The following CLMP variants were observed in gnomAD, a reference collection of about 807,000 sequenced individuals.
The protein encoded by CLMP is CXADR like cell adhesion molecule.
In CLMP, 27 loss-of-function variants were observed where a neutral mutation model predicts 45.2. That is an observed-to-expected ratio of 0.60 (90% CI 0.44 to 0.82). The LOEUF (loss-of-function observed/expected upper bound fraction) is 0.82. CLMP is among the 40% of genes least tolerant of loss of function. The pLI, the probability that CLMP is intolerant of heterozygous loss-of-function variation, is 0.00. For synonymous variants in CLMP, 167 were observed against 171.4 expected, an observed-to-expected ratio of 0.97 and a Z score of 0.20; for missense variants, 403 against 448.4, an observed-to-expected ratio of 0.90 and a Z score of 0.91.
At chr11:123,142,274 C>A (rs2135517975) in intron 1 of CLMP, among the ~76,000 whole-genome samples, 1 of 152,268 alleles carries the variant, frequency 6.6e-6, no homozygotes, top group South Asian at 2.1e-4. Context: ...GCGTAAGTCA[C>A]TGCGCCTGGC....
chr11:123,086,256 C>T (rs2135471232), intron 2 of CLMP, among the ~76,000 whole-genome samples: 1 of 152,222 alleles, frequency 6.6e-6, no homozygotes, highest in Non-Finnish European at 1.5e-5. Flanking sequence ...GTGAGATTAA[C>T]AAGGAAAGAC....
chr11:123,123,255 T>C (rs1429739028), intron 1 of CLMP, among the ~76,000 whole-genome samples: 9 of 118,022 alleles, frequency 7.6e-5, no homozygotes, highest in South Asian at 5.1e-4. Context: ...TCTTTCTTTC[T>C]TTCCTTTTTT....
intron 2 of CLMP, among the ~76,000 whole-genome samples, chr11:123,090,264 C>T (rs909930105): frequency 7.0e-6 from 1 of 142,084 alleles, no homozygotes; most frequent in Non-Finnish European, 1.5e-5. Context: ...GCCAACATTG[C>T]GAAACCCCCA....
chr11:123,130,292 A>G (rs1056839556), intron 1 of CLMP, among the ~76,000 whole-genome samples: 1 of 152,158 alleles, frequency 6.6e-6, no homozygotes, highest in Non-Finnish European at 1.5e-5. Flanking sequence ...GTGGATGAAG[A>G]TCACTTCCCA....
chr11:123,122,484 A>C (rs528343930), intron 1 of CLMP, among the ~76,000 whole-genome samples: 1 of 152,312 alleles, frequency 6.6e-6, no homozygotes, highest in South Asian at 2.1e-4. Flanking sequence ...TCCTCCGGGA[A>C]ACAGAACAGC....
At chr11:123,118,629 T>C (rs1040559052) in intron 1 of CLMP, among the ~76,000 whole-genome samples, 1 of 152,176 alleles carries the variant, frequency 6.6e-6, no homozygotes, top group Non-Finnish European at 1.5e-5. Context: ...TAACCCAGAC[T>C]TCCACTTTTC....
chr11:123,127,638 C>A (rs888982053), intron 1 of CLMP, among the ~76,000 whole-genome samples: 2 of 152,126 alleles, frequency 1.3e-5, no homozygotes, highest in African/African-American at 4.8e-5. Context: ...TCCCAACAAC[C>A]CAGATAAAGA....
intron 1 of CLMP, among the ~76,000 whole-genome samples, chr11:123,143,286 T>G (rs1350645726): frequency 6.6e-6 from 1 of 152,212 alleles, no homozygotes; most frequent in African/African-American, 2.4e-5. Flanking sequence ...GAGTGACTGT[T>G]GCCAATCATT....
chr11:123,136,143 C>A, intron 1 of CLMP: 1 of 627,038 alleles, frequency 1.6e-6, no homozygotes, highest in Non-Finnish European at 3.1e-6. Flanking sequence ...GCAAGAAAGT[C>A]ACCACCTACT....
chr11:123,161,430 G>A (rs928425209), intron 1 of CLMP, among the ~76,000 whole-genome samples: 4 of 152,094 alleles, frequency 2.6e-5, no homozygotes, highest in African/African-American at 9.7e-5. Flanking sequence ...ACTTTAGGAG[G>A]CCAAGGTGAG....
chr11:123,114,616 A>G (rs1002589195), intron 1 of CLMP, among the ~76,000 whole-genome samples: 8 of 151,360 alleles, frequency 5.3e-5, no homozygotes, highest in Non-Finnish European at 1.2e-4. Context: ...TGCATTTTCT[A>G]CTCACAGGAA....
chr11:123,106,946 G>A (rs1204465368), intron 1 of CLMP, among the ~76,000 whole-genome samples: 1 of 151,898 alleles, frequency 6.6e-6, no homozygotes, highest in Non-Finnish European at 1.5e-5. Context: ...TGTGAACCCG[G>A]GAGGCGGAGC....
rs1865674709 is a variant in CLMP, at chr11:123,071,766, A to C, written c.*1708T>G. ...CTACTCTCCCAGAGGTGATCAGTTG[A>C]CATTTGTGCTAGGGTCCTTGAAGAG... On this transcript the variant is annotated 3_prime_UTR_variant, in exon 7 of 7. Coordinates refer to ENST00000448775, the MANE Select transcript of CLMP (RefSeq NM_024769.5). The C allele has an allele frequency of 6.6e-6, 1 of 152,232 alleles. No individual in the cohort carries two copies. Among genetic ancestry groups the C allele is most frequent in the Admixed American group, 6.5e-5 (1 of 15,270 alleles). 9.4% of individuals were successfully genotyped at this position (152,232 alleles called of 1,614,324 possible).
At chr11:123,109,729 G>A (rs532033826) in intron 1 of CLMP, among the ~76,000 whole-genome samples, 2 of 152,260 alleles carry the variant, frequency 1.3e-5, no homozygotes, top group Admixed American at 1.3e-4. Flanking sequence ...GAGGACATGG[G>A]GAACCAAGAG....
intron 1 of CLMP, among the ~76,000 whole-genome samples, chr11:123,145,001 C>T (rs948517166): frequency 6.6e-6 from 1 of 152,000 alleles, no homozygotes; most frequent in Admixed American, 6.5e-5. Flanking sequence ...AATTGAAATG[C>T]ATAGTGAATG....
intron 1 of CLMP, among the ~76,000 whole-genome samples, chr11:123,118,928 CTTTTCTTTCTTTCTTT>C (rs1860754720): frequency 8.1e-6 from 1 of 123,680 alleles, no homozygotes; most frequent in African/African-American, 3.4e-5. Flanking sequence ...ATTTTCTTTT[CTTTTCTTTCTTTCTTT>C]CTTTCTTTCT....
chr11:123,111,934 T>C (rs1860644877), intron 1 of CLMP, among the ~76,000 whole-genome samples: 1 of 152,208 alleles, frequency 6.6e-6, no homozygotes, highest in Non-Finnish European at 1.5e-5. Flanking sequence ...TTTATTTTTT[T>C]AGAGACGGTA....
At chr11:123,086,894 A>T (rs1352615753) in intron 2 of CLMP, among the ~76,000 whole-genome samples, 1 of 152,056 alleles carries the variant, frequency 6.6e-6, no homozygotes, top group African/African-American at 2.4e-5. Flanking sequence ...AATAAAATTT[A>T]AAAAAAGAAA....
intron 2 of CLMP, among the ~76,000 whole-genome samples, chr11:123,091,177 T>C (rs1865928376): frequency 6.6e-6 from 1 of 152,172 alleles, no homozygotes; most frequent in Non-Finnish European, 1.5e-5. Flanking sequence ...CAATCTTGGC[T>C]CACTGCAACC....
Sources: allele counts gnomAD v4.1 joint callset (sites outside exome capture counted in the v4.1 genomes callset), GRCh38; gene constraint gnomAD v4.1.1; transcripts MANE v1.5; gene names NCBI Gene and HGNC (gene_info 2026-07-23, HGNC 2026-07-21).